ARL10: variants seen among roughly 807,000 people sequenced by gnomAD.
ARL10 encodes ARF like GTPase 10, also known as ADP-ribosylation factor-like protein 10.
Under a neutral mutation model 26.1 loss-of-function variants are expected in ARL10, and 23 were observed. The observed-to-expected ratio is 0.88, with a 90% CI of 0.63 to 1.25. The LOEUF (loss-of-function observed/expected upper bound fraction) is 1.25. Ranked by LOEUF, ARL10 falls within the 50% of genes most tolerant of loss-of-function variation. The probability of loss-of-function intolerance (pLI) is 0.00; values close to 1 mark genes in which losing one functional copy is unlikely to be tolerated. For synonymous variants in ARL10, 138 were observed against 149.1 expected (o/e 0.93, Z 0.54); for missense variants, 300 against 323.6 (o/e 0.93, Z 0.56).
chr5:176,392,208 C>T (rs1756284453), downstream of ARL10, among the ~76,000 whole-genome samples: 2 of 152,226 alleles, frequency 1.3e-5, no homozygotes, highest in Non-Finnish European at 2.9e-5. This position sits in a 1 kb window ranked among gnomAD's most constrained non-coding sequence, Gnocchi z 5.2. Context: ...AAGCCACTTC[C>T]CCTCTGGGAA....
downstream of ARL10, among the ~76,000 whole-genome samples, chr5:176,404,056 A>C (rs552569304): frequency 1.2e-4 from 19 of 152,162 alleles, no homozygotes; most frequent in Middle Eastern, 3.2e-3. Context: ...CACCCAGCCA[A>C]GTTTTATTCT....
At chr5:176,405,780 G>A (rs1427648744), downstream of ARL10, 1 of 152,008 alleles carries the variant, frequency 6.6e-6, no homozygotes, top group East Asian at 1.9e-4. Context: ...CTGGACTCGC[G>A]ACCTTTGAGA....
chr5:176,389,326 C>T (rs775469002), downstream of ARL10: 3 of 1,612,386 alleles, frequency 1.9e-6, no homozygotes, highest in Non-Finnish European at 2.5e-6. Context: ...TTGTCCCCTC[C>T]TCAGGTTGCC....
chr5:176,370,112 T>G (rs1449843028), intron 3 of ARL10, among the ~76,000 whole-genome samples: 1 of 152,204 alleles, frequency 6.6e-6, no homozygotes, highest in Non-Finnish European at 1.5e-5. Flanking sequence ...AGCTAACATT[T>G]ATTGTGTGCT....
rs1768644688 is a variant in ARL10 at position 176,375,055 on chromosome 5, T to G, written c.*3160T>G. The G allele has an allele frequency of 6.6e-6, 1 of 151,522 alleles. No individual in the cohort carries two copies. The highest frequency in any genetic ancestry group is 1.5e-5 in the Non-Finnish European group (1 of 67,884). The allele number at this position is 151,522 out of a possible 1,614,324, so 9.4% of individuals were successfully genotyped here. On this transcript the variant is annotated 3_prime_UTR_variant, in exon 4 of 4. Coordinates refer to ENST00000310389, the MANE Select transcript of ARL10 (RefSeq NM_173664.6). ...AGCTGCATGAAGTTCCATTACGTGT[T>G]TTTGTTGAACACAGGTGGCCTCATC...
chr5:176,366,790 G>A (rs1283656148), intron 2 of ARL10, among the ~76,000 whole-genome samples: 2 of 152,062 alleles, frequency 1.3e-5, no homozygotes, highest in Non-Finnish European at 2.9e-5. Flanking sequence ...CAGCTGCACC[G>A]CCTGCCCCAT....
chr5:176,376,394 C>G lies in ARL10; in HGVS notation c.*4499C>G, dbSNP rs558130223. ...AAAAAAAAAAAAGGTTAGCATTCCA[C>G]TCTTCCTTTGGGGTTTCAGGGTGAC... On this transcript the variant is annotated 3_prime_UTR_variant, in exon 4 of 4. Coordinates refer to ENST00000310389, the MANE Select transcript of ARL10 (RefSeq NM_173664.6). 6.7e-6 allele frequency: 1 copy of G among 150,368 alleles called. No homozygotes were observed. The highest frequency in any genetic ancestry group is 2.4e-5 in the African/African-American group (1 of 41,008). The allele number at this position is 150,368 out of a possible 1,614,324, so 9.3% of individuals were successfully genotyped here.
downstream of ARL10, among the ~76,000 whole-genome samples, chr5:176,403,956 C>T (rs1306457786): frequency 1.3e-5 from 2 of 151,960 alleles, no homozygotes; most frequent in Non-Finnish European, 1.5e-5. Context: ...GACAGGGTTT[C>T]ATCATGTTGT....
chr5:176,391,984 G>T (rs1756274242), downstream of ARL10, among the ~76,000 whole-genome samples: 1 of 152,226 alleles, frequency 6.6e-6, no homozygotes, highest in Admixed American at 6.5e-5. Flanking sequence ...CTCTGCTGAA[G>T]GGGAAGAAGG....
chr5:176,383,986 T>A, downstream of ARL10: 1 of 1,533,026 alleles, frequency 6.5e-7, no homozygotes, highest in Non-Finnish European at 8.7e-7. Flanking sequence ...TATATTTACA[T>A]CACCCACCCT....
At chr5:176,383,519 G>A (rs532371323), downstream of ARL10, among the ~76,000 whole-genome samples, 21 of 152,368 alleles carry the variant, frequency 1.4e-4, no homozygotes, top group African/African-American at 5.0e-4. Context: ...CAGAAGCCAG[G>A]TTGGGGGCCT....
chr5:176,396,707 A>G lies in ARL10; in HGVS notation c.134-5034A>G, dbSNP rs11955577. On this transcript the variant is annotated intron_variant, in intron 1 of 1. Transcript: ENST00000514533. ...AACGACCCACAGCCCCAAACAGGAG[A>G]ATGGGGACCTTCACCCTGGCCCCAG... Among the ~76,000 whole-genome samples, 361 of 152,034 alleles carry G rather than the reference A, an allele frequency of 2.4e-3. 1 individual carries two copies. Among genetic ancestry groups the G allele is most frequent in the African/African-American group, 8.4e-3 (350 of 41,450 alleles).
rs1479096499 is a variant in ARL10, at chr5:176,368,987, G to C, written c.561+5G>C. ...GTCGTGGTGGCCAACAAGCAGGTGA[G>C]GGCTGTGAGAGGGCAGCTCGGTCCA... On this transcript the variant is annotated splice_donor_5th_base_variant and intron_variant, in intron 3 of 3. Coordinates refer to ENST00000310389, the MANE Select transcript of ARL10 (RefSeq NM_173664.6). This position sits in a 1 kb window ranked among gnomAD's most constrained non-coding sequence, Gnocchi z 4.1. The C allele has an allele frequency of 6.2e-7, 1 of 1,613,842 alleles. No individual in the cohort carries two copies. Among genetic ancestry groups the C allele is most frequent in the East Asian group, 2.2e-5 (1 of 44,864 alleles).
chr5:176,389,623 T>C (rs2113609105), downstream of ARL10: 2 of 1,033,104 alleles, frequency 1.9e-6, no homozygotes, highest in East Asian at 5.3e-5. Context: ...GGGGAGGAAG[T>C]GACCCTTTGT....
chr5:176,397,573 C>T (rs1168271725), intron 1 of ARL10: 1 of 1,473,608 alleles, frequency 6.8e-7, no homozygotes, highest in African/African-American at 1.5e-5. Flanking sequence ...CCTCATGTCC[C>T]CATGGCCCCC....
the ARL10 span, chr5:176,410,338 G>C: frequency 1.3e-6 from 2 of 1,599,846 alleles, no homozygotes; most frequent in Non-Finnish European, 1.7e-6. Flanking sequence ...ATTACTCACT[G>C]TTTAGCTTAT....
intron 2 of ARL10, chr5:176,367,951 A>G (rs1272588703): frequency 1.9e-6 from 1 of 531,526 alleles, no homozygotes; most frequent in Non-Finnish European, 3.8e-6. Context: ...TGCAGCACCC[A>G]GATCAGTGCT....
At chr5:176,384,610 G>C (rs548707779), downstream of ARL10, 2 of 551,484 alleles carry the variant, frequency 3.6e-6, no homozygotes. Context: ...AACCCAGTGA[G>C]ACCCTGTCTC....
intron 1 of ARL10, 38 bp downstream of exon 1, chr5:176,365,784 G>A: frequency 8.1e-7 from 1 of 1,232,232 alleles, no homozygotes; most frequent in African/African-American, 1.6e-5. Context: ...GGGCGGGCAG[G>A]CTGGGCTGCG....
Sources: gnomAD v4.1 joint callset for allele counts (sites outside exome capture counted in the v4.1 genomes callset) on GRCh38, gnomAD v4.1.1 for gene constraint, Gnocchi (gnomAD v3.1) non-coding constraint, MANE v1.5 for transcripts, NCBI Gene and HGNC (gene_info 2026-07-23, HGNC 2026-07-21) for gene names.